Variants in SCN1A observed in about 807,000 individuals in gnomAD.
SCN1A encodes the protein sodium channel protein type 1 subunit alpha.
SCN1A carries 13 observed loss-of-function variants against 193.7 expected under a neutral mutation model. That is an observed-to-expected ratio of 0.07 (90% CI 0.04 to 0.11). SCN1A has a LOEUF of 0.11. Among genes scored for constraint, SCN1A ranks in the 10% least tolerant of loss-of-function variants. SCN1A has a pLI of 1.00. For missense variants in SCN1A, 1,432 were observed against 2,451.1 expected, an observed-to-expected ratio of 0.58 and a Z score of 8.78; for synonymous variants, 781 against 843.6, an observed-to-expected ratio of 0.93 and a Z score of 1.29.
intron 19 of SCN1A, among the ~76,000 whole-genome samples, chr2:166,019,926 T>A (rs1361685659): frequency 6.6e-6 from 1 of 151,400 alleles, no homozygotes; most frequent in Non-Finnish European, 1.5e-5. Flanking sequence ...TTTTTTTTTT[T>A]TTGAGACAGA....
At chr2:166,078,483 G>A (rs955394601) in intron 2 of SCN1A, among the ~76,000 whole-genome samples, 9 of 148,934 alleles carry the variant, frequency 6.0e-5, no homozygotes, top group South Asian at 2.1e-4. Context: ...GAGGCTCTGC[G>A]TGTGTAGAGA....
intron 14 of SCN1A, 136 bp downstream of exon 14, chr2:166,043,533 A>G: frequency 1.1e-6 from 1 of 942,314 alleles, no homozygotes; most frequent in South Asian, 1.8e-5. Context: ...TTAGTCTATT[A>G]AAGATATTAC....
chr2:166,015,225 C>A (rs375723332), intron 20 of SCN1A, among the ~76,000 whole-genome samples: 3 of 151,800 alleles, frequency 2.0e-5, no homozygotes, highest in African/African-American at 7.2e-5. Context: ...ATTAAAGAAA[C>A]ACAATTTAGC....
At chr2:166,103,835 A>G (rs901744939) in intron 2 of SCN1A, among the ~76,000 whole-genome samples, 1 of 152,204 alleles carries the variant, frequency 6.6e-6, no homozygotes, top group Non-Finnish European at 1.5e-5. Flanking sequence ...ACAACGTGAA[A>G]ATATATATTA....
Position 166,012,144 on chromosome 2 carries a change from T to C in SCN1A, c.3844A>G (p.Asn1282Asp), listed in dbSNP as rs1692549700. ...AAGAAGTCCAGCCAACACCAGGCAT[T>C]GGTGAAATATGTTTGATAGCCATAT... ...VAYGYQTYFT[N>D]AWCWLDFLIV... Residue 1282 changes from asparagine (N) to aspartate (D), a missense_variant, in exon 22 of 29, where the codon AAT (asparagine) becomes GAT (aspartate). Physicochemically the swap from Asn to Asp is conservative, Grantham distance 23. Transcript: ENST00000674923. The C allele has an allele frequency of 6.2e-7, 1 of 1,610,314 alleles. No homozygotes were observed. Among genetic ancestry groups the C allele is most frequent in the Non-Finnish European group, 8.5e-7 (1 of 1,177,272 alleles).
chr2:166,025,527 C>A (rs1301581096), intron 19 of SCN1A, among the ~76,000 whole-genome samples: 1 of 152,128 alleles, frequency 6.6e-6, no homozygotes, highest in Non-Finnish European at 1.5e-5. Context: ...CAGCATCATC[C>A]CCCTTTTTGT....
chr2:166,113,577 C>G (rs905050419), intron 2 of SCN1A, among the ~76,000 whole-genome samples: 6 of 81,224 alleles, frequency 7.4e-5, no homozygotes, highest in Middle Eastern at 0.014. Context: ...TATAAAATAA[C>G]AGGTGTGCTA....
intron 3 of SCN1A, among the ~76,000 whole-genome samples, chr2:166,075,602 A>T (rs936320534): frequency 6.6e-6 from 1 of 152,132 alleles, no homozygotes; most frequent in Non-Finnish European, 1.5e-5. Flanking sequence ...GTTGTTTCCA[A>T]TCTTTAGCTA....
rs1314017858 is a variant in SCN1A at position 165,989,125 on chromosome 2, A to T, written c.*2120T>A. ...ATGTAAAAAATCTCCATATCATTAG[A>T]ATATTCTGTTAACAAAAAGTGACTG... is the stretch of plus-strand genomic sequence containing the variant. On this transcript the variant is annotated 3_prime_UTR_variant, in exon 29 of 29. Coordinates refer to ENST00000674923, the MANE Select transcript of SCN1A (RefSeq NM_001165963.4). 1 of 152,328 alleles carries T rather than the reference A, an allele frequency of 6.6e-6. No individual in the cohort carries two copies. The highest frequency in any genetic ancestry group is 1.5e-5 in the Non-Finnish European group (1 of 68,026). 9.4% of individuals were successfully genotyped at this position (152,328 alleles called of 1,614,324 possible).
At chr2:166,088,009 T>C (rs1339921972) in intron 2 of SCN1A, among the ~76,000 whole-genome samples, 3 of 152,152 alleles carry the variant, frequency 2.0e-5, no homozygotes, top group Admixed American at 1.3e-4. Context: ...CACTGAAACA[T>C]TGACTTTGAA....
upstream of SCN1A, among the ~76,000 whole-genome samples, chr2:166,131,004 A>G (rs1200342894): frequency 1.3e-5 from 2 of 152,144 alleles, no homozygotes; most frequent in East Asian, 3.9e-4. Flanking sequence ...TAAGAGTTTT[A>G]TATATGTATC....
chr2:166,145,980 G>A (rs1262493103), intron 1 of SCN1A, among the ~76,000 whole-genome samples: 1 of 152,074 alleles, frequency 6.6e-6, no homozygotes, highest in Non-Finnish European at 1.5e-5. Context: ...GAGATGGGAT[G>A]GGGAAGGGAG....
chr2:166,052,687 T>C (rs746686190), intron 8 of SCN1A, among the ~76,000 whole-genome samples, 165 bp downstream of exon 8: 2 of 151,772 alleles, frequency 1.3e-5, no homozygotes, highest in Admixed American at 6.6e-5. Flanking sequence ...ACATAAGACA[T>C]TGTTAAACTC....
intron 16 of SCN1A, among the ~76,000 whole-genome samples, 172 bp downstream of exon 16, chr2:166,041,059 G>A (rs1298811099): frequency 1.3e-5 from 2 of 152,160 alleles, no homozygotes; most frequent in African/African-American, 4.8e-5. Context: ...CACATTAAGG[G>A]TGATTATTTT....
At chr2:166,097,002 TTG>T (rs1316136307) in intron 2 of SCN1A, among the ~76,000 whole-genome samples, 1 of 151,046 alleles carries the variant, frequency 6.6e-6, no homozygotes, top group African/African-American at 2.4e-5. Context: ...TCTTTCTTCT[TTG>T]TGTGTGTTTT....
rs922514173 is a variant in SCN1A, at chr2:166,012,267, A to G, written c.3721T>C (p.Tyr1241His). 6.2e-7 allele frequency: 1 copy of G among 1,608,054 alleles called. No homozygotes were observed. Among genetic ancestry groups the G allele is most frequent in the Non-Finnish European group, 8.5e-7 (1 of 1,175,868 alleles). The change falls in exon 22 of 29, where the codon TAT becomes CAT. Residue 1241 changes from tyrosine to histidine, a missense_variant. Around this residue, in one of 18 missense-constraint regions of SCN1A, gnomAD observed 107 missense variants for 259.4 expected, o/e 0.41. Transcript: ENST00000674923. ...SSGALAFEDIYIDQRKTIKTM... is the reference protein window; with the variant it reads ...SSGALAFEDIHIDQRKTIKTM... Reference sequence around the variant, plus strand: ...TTAATCGTCTTTCGCTGATCAATATATATATCTTCAAATGCCTATAAAGAA... The same window carrying G: ...TTAATCGTCTTTCGCTGATCAATATGTATATCTTCAAATGCCTATAAAGAA...
chr2:166,084,549 G>GA (rs967284180), intron 2 of SCN1A, among the ~76,000 whole-genome samples: 31 of 152,062 alleles, frequency 2.0e-4, no homozygotes, highest in African/African-American at 6.5e-4. Context: ...AATAATGGGA[G>GA]AAAAAATCAG....
At chr2:166,000,271 C>G (rs1415593720) in intron 24 of SCN1A, among the ~76,000 whole-genome samples, 1 of 151,726 alleles carries the variant, frequency 6.6e-6, no homozygotes, top group African/African-American at 2.4e-5. Flanking sequence ...AGGGTTGCAA[C>G]TATCCTTTTA....
rs939759655 is a variant in SCN1A, at chr2:166,054,712, C to T, written c.528G>A (p.Arg176=). ...AAGTAAAATCTTCTAAACAGAATCC[C>T]CTTGCAATAATTTTTATAAGTGATT... ...TFESLIKIIA[R]GFCLEDFTFL... Residue 176 remains arginine, a synonymous_variant, in exon 7 of 29, where the codon AGG becomes AGA. Transcript: ENST00000674923. The T allele has an allele frequency of 6.2e-7, 1 of 1,611,706 alleles. No individual in the cohort carries two copies. The highest frequency in any genetic ancestry group is 8.5e-7 in the Non-Finnish European group (1 of 1,178,378).
Sources: allele counts gnomAD v4.1 joint callset (sites outside exome capture counted in the v4.1 genomes callset), GRCh38; gene constraint gnomAD v4.1.1; regional missense constraint gnomAD v4.1.1; transcripts MANE v1.5; gene names NCBI Gene and HGNC (gene_info 2026-07-23, HGNC 2026-07-21).